PRDM11: variants seen among roughly 807,000 people sequenced by gnomAD.
PRDM11 encodes PR domain-containing protein 11.
A neutral mutation model predicts 97.8 loss-of-function variants in PRDM11; 20 were observed. The ratio of observed to expected loss-of-function variants is 0.20; its 90% CI spans 0.14 to 0.30. The LOEUF (loss-of-function observed/expected upper bound fraction) is 0.30. Ranked by LOEUF, PRDM11 falls within the 10% of genes least tolerant of loss-of-function variation. The pLI, the probability that PRDM11 is intolerant of heterozygous loss-of-function variation, is 1.00. For missense variants in PRDM11, 1,139 were observed against 1,555.2 expected, an observed-to-expected ratio of 0.73 and a Z score of 4.50; for synonymous variants, 599 against 637.7, an observed-to-expected ratio of 0.94 and a Z score of 0.91.
chr11:45,224,327 C>G lies in PRDM11; in HGVS notation c.853C>G (p.Arg285Gly), dbSNP rs554343280. The G allele has an allele frequency of 6.2e-7, 1 of 1,613,988 alleles. No homozygotes were observed. Among genetic ancestry groups the G allele is most frequent in the South Asian group, 1.1e-5 (1 of 91,080 alleles). ...VLRQGKSPYK[R>G]GFDEGDVHPQ... The stretch of plus-strand genomic sequence containing the variant: ...GAGACAGGGCAAAAGTCCCTACAAG[C>G]GTGGCTTTGATGAGGGGGATGTACA... The change falls in exon 7 of 8, where the codon CGT becomes GGT. Residue 285 changes from arginine to glycine, a missense_variant. Transcript: ENST00000683152.
intron 1 of PRDM11, among the ~76,000 whole-genome samples, chr11:45,103,049 C>A (rs916016985): frequency 5.9e-5 from 9 of 152,200 alleles, no homozygotes; most frequent in Non-Finnish European, 1.3e-4. Flanking sequence ...GAACCCAAGT[C>A]TCTCTACTCC....
chr11:45,151,720 T>C (rs1851664221), intron 1 of PRDM11, among the ~76,000 whole-genome samples: 2 of 152,178 alleles, frequency 1.3e-5, no homozygotes, highest in Non-Finnish European at 2.9e-5. Flanking sequence ...AAAGCTTCGC[T>C]GAGGAGGAGG....
At chr11:45,104,015 G>A (rs759363583) in intron 1 of PRDM11, among the ~76,000 whole-genome samples, 6 of 152,154 alleles carry the variant, frequency 3.9e-5, no homozygotes, top group Admixed American at 2.0e-4. Context: ...TTATAGCTGA[G>A]GGATTGAGGC....
intron 1 of PRDM11, among the ~76,000 whole-genome samples, chr11:45,117,269 G>A (rs970047724): frequency 3.4e-5 from 5 of 147,804 alleles, no homozygotes; most frequent in Non-Finnish European, 7.4e-5. Flanking sequence ...GGCCAACGTG[G>A]AAATAATTTG....
At chr11:45,147,306 A>G (rs1344325580) in intron 1 of PRDM11, 1 of 149,140 alleles carries the variant, frequency 6.7e-6, no homozygotes, top group African/African-American at 2.5e-5. Flanking sequence ...CGGGGCGCGG[A>G]CGCCGACGCC....
chr11:45,113,210 T>C (rs1852222046), intron 1 of PRDM11, among the ~76,000 whole-genome samples: 1 of 152,224 alleles, frequency 6.6e-6, no homozygotes, highest in African/African-American at 2.4e-5. Flanking sequence ...GAATACAGCG[T>C]CTTGTCCCCA....
At chr11:45,169,149 G>A (rs1272679915) in intron 1 of PRDM11, among the ~76,000 whole-genome samples, 3 of 152,028 alleles carry the variant, frequency 2.0e-5, no homozygotes, top group Non-Finnish European at 2.9e-5. Context: ...ATACTGATAA[G>A]TATTTGTTAC....
intron 4 of PRDM11, 60 bp from the exon 5 acceptor site, chr11:45,204,650 GC>G (rs2135796542): frequency 6.7e-7 from 1 of 1,493,130 alleles, no homozygotes; most frequent in Admixed American, 1.7e-5. Context: ...TTGGGAAGGA[GC>G]CCAGGGACAT....
intron 4 of PRDM11, among the ~76,000 whole-genome samples, chr11:45,203,601 G>A (rs533067606): frequency 6.7e-6 from 1 of 150,236 alleles, no homozygotes; most frequent in East Asian, 2.0e-4. Context: ...AGACATGAAG[G>A]ATATATTGAG....
chr11:45,232,911 T>G lies in PRDM11; in HGVS notation c.*4752T>G, dbSNP rs1854425073. On this transcript the variant is annotated 3_prime_UTR_variant, in exon 8 of 8. Transcript: ENST00000683152. ...CCCTCCACTTCCATCTGGCACTCCC[T>G]TCCCCCCCACCCCCTCAAGTGGTAT... 1 of 146,448 alleles carries G rather than the reference T, an allele frequency of 6.8e-6. No homozygotes were observed. The allele number at this position is 146,448 out of a possible 1,614,324, so 9.1% of individuals were successfully genotyped here.
chr11:45,095,835 C>G (rs749414374), exon 1 of PRDM11: 1 of 775,948 alleles, frequency 1.3e-6, no homozygotes, highest in African/African-American at 1.7e-5. Context: ...CAATTGCATC[C>G]CTGATGATCG....
intron 1 of PRDM11, among the ~76,000 whole-genome samples, chr11:45,128,319 C>G (rs1241175132): frequency 2.0e-5 from 3 of 152,222 alleles, no homozygotes; most frequent in Non-Finnish European, 2.9e-5. Flanking sequence ...ATGCCTCGCC[C>G]TGCTTCGGCT....
chr11:45,134,150 T>G (rs1341934505), intron 1 of PRDM11, among the ~76,000 whole-genome samples: 7 of 150,016 alleles, frequency 4.7e-5, no homozygotes, highest in African/African-American at 1.7e-4. Context: ...TGTTTAAAAA[T>G]GGGAAGAGAC....
At chr11:45,147,546 G>A (rs1396227666) in intron 1 of PRDM11, 1 of 152,292 alleles carries the variant, frequency 6.6e-6, no homozygotes, top group African/African-American at 2.4e-5. Context: ...AACCTCTCCG[G>A]AGCGTAGCCT....
At chr11:45,111,635 CAG>C (rs1214106360) in intron 1 of PRDM11, among the ~76,000 whole-genome samples, 1 of 152,202 alleles carries the variant, frequency 6.6e-6, no homozygotes, top group African/African-American at 2.4e-5. Flanking sequence ...GGCCCCAAAT[CAG>C]AGAGTGGGAG....
chr11:45,200,832 G>C (rs779205991), intron 4 of PRDM11, among the ~76,000 whole-genome samples: 4 of 152,158 alleles, frequency 2.6e-5, no homozygotes, highest in African/African-American at 9.7e-5. Context: ...AAACACAAAG[G>C]CAGTACAGTC....
At chr11:45,204,521 G>C (rs1218044611) in intron 4 of PRDM11, among the ~76,000 whole-genome samples, 190 bp from the exon 5 acceptor site, 1 of 152,176 alleles carries the variant, frequency 6.6e-6, no homozygotes, top group African/African-American at 2.4e-5. Flanking sequence ...AGAAGAATGG[G>C]AATGGGTGGA....
At chr11:45,201,750 G>A (rs926477718) in intron 4 of PRDM11, among the ~76,000 whole-genome samples, 2 of 152,058 alleles carry the variant, frequency 1.3e-5, no homozygotes, top group African/African-American at 2.4e-5. Context: ...GGCGGATCAC[G>A]AGGTCAGGAG....
chr11:45,131,639 G>A lies in PRDM11; in HGVS notation c.96+35738G>A, dbSNP rs192808297. ...TGTCTCACAACATGTTGAATACAGTGCAGCCATTCAAAATCCTATTACAGG... is the reference window on the plus strand; with the variant it reads ...TGTCTCACAACATGTTGAATACAGTACAGCCATTCAAAATCCTATTACAGG... On this transcript the variant is annotated intron_variant, in intron 1 of 6. Coordinates refer to the PRDM11 transcript ENST00000530656. Among the ~76,000 whole-genome samples the A allele has an allele frequency of 5.6e-3, 854 of 152,298 alleles. 7 individuals carry two copies. The highest frequency in any genetic ancestry group is 0.019 in the African/African-American group (805 of 41,564).
Sources: allele counts gnomAD v4.1 joint callset (sites outside exome capture counted in the v4.1 genomes callset), GRCh38; gene constraint gnomAD v4.1.1; transcripts MANE v1.5; gene names NCBI Gene and HGNC (gene_info 2026-07-23, HGNC 2026-07-21).